The following TBC1D14 variants were observed in gnomAD, a reference collection of about 807,000 sequenced individuals.
TBC1D14 encodes the protein TBC1 domain family member 14.
A neutral mutation model predicts 79.0 loss-of-function variants in TBC1D14; 26 were observed. The ratio of observed to expected loss-of-function variants is 0.33; its 90% confidence interval spans 0.24 to 0.46. TBC1D14 has a LOEUF of 0.46. Ranked by LOEUF, TBC1D14 falls within the 20% of genes least tolerant of loss-of-function variation. The pLI is 1.00. For missense variants in TBC1D14, 769 were observed against 887.6 expected, an observed-to-expected ratio of 0.87 and a Z score of 1.70; for synonymous variants, 394 against 349.9, an observed-to-expected ratio of 1.13 and a Z score of -1.40.
upstream of TBC1D14, chr4:6,909,788 G>C (rs570602991): frequency 6.7e-6 from 1 of 148,778 alleles, no homozygotes; most frequent in Non-Finnish European, 1.5e-5. Context: ...GGCGAAGCGA[G>C]GGTGCGCGCC....
intron 12 of TBC1D14, among the ~76,000 whole-genome samples, chr4:7,017,512 G>A (rs1721403109): frequency 6.6e-6 from 1 of 152,186 alleles, no homozygotes; most frequent in South Asian, 2.1e-4. Flanking sequence ...CCAGAGACAG[G>A]AATAGCATGT....
At chr4:7,005,029 G>T (rs746381582) in intron 8 of TBC1D14, 105 bp downstream of exon 8, 3 of 1,052,894 alleles carry the variant, frequency 2.8e-6, no homozygotes, top group Non-Finnish European at 2.8e-6. Flanking sequence ...AGATTGTTGT[G>T]GAGTCATAAA....
Position 6,923,737 on chromosome 4 carries a change from C to T in TBC1D14, c.348C>T (p.Ser116=), listed in dbSNP as rs773924583. The T allele has an allele frequency of 1.2e-6, 2 of 1,613,988 alleles. No homozygotes were observed. Among genetic ancestry groups the T allele is most frequent in the Non-Finnish European group, 8.5e-7 (1 of 1,180,048 alleles). The change falls in exon 2 of 14, where the codon AGC becomes AGT. Residue 116 remains serine, a synonymous_variant. Coordinates refer to ENST00000409757, the MANE Select transcript of TBC1D14 (RefSeq NM_020773.3). ...CATCCTGTGCGCCACCAGCTCCTAGCAGCACCGAGCGGGAACAGAGCGTGC... is the reference window on the plus strand; with the variant it reads ...CATCCTGTGCGCCACCAGCTCCTAGTAGCACCGAGCGGGAACAGAGCGTGC... The part of the protein sequence containing the change: ...ALPSCAPPAP[S]STEREQSVRK...
At chr4:7,017,117 G>A (rs1372044771) in intron 12 of TBC1D14, among the ~76,000 whole-genome samples, 3 of 152,140 alleles carry the variant, frequency 2.0e-5, no homozygotes, top group African/African-American at 7.2e-5. Flanking sequence ...CCTGGCCAAT[G>A]TGGCGAAACC....
At chr4:7,001,281 C>T (rs371015314) in intron 7 of TBC1D14, 30 bp downstream of exon 7, 1 of 1,559,908 alleles carries the variant, frequency 6.4e-7, no homozygotes, top group African/African-American at 1.4e-5. Flanking sequence ...CTGGGGAGTC[C>T]ACCTCCAGGC....
chr4:7,030,232 A>C (rs997175789), intron 13 of TBC1D14, 95 bp from the exon 14 acceptor site: 17 of 1,176,188 alleles, frequency 1.4e-5, no homozygotes, highest in Non-Finnish European at 2.0e-5. Flanking sequence ...GAGCCGGGGG[A>C]CCCTGTTAGG....
chr4:6,926,445 G>T (rs907187181), intron 2 of TBC1D14, among the ~76,000 whole-genome samples: 3 of 152,184 alleles, frequency 2.0e-5, no homozygotes, highest in Admixed American at 1.3e-4. Flanking sequence ...ACCGTTTCTT[G>T]GAAGTCATAC....
chr4:6,982,631 C>G (rs1195849367), intron 3 of TBC1D14, among the ~76,000 whole-genome samples: 1 of 152,186 alleles, frequency 6.6e-6, no homozygotes. Flanking sequence ...GTTCTTTTGA[C>G]CCAGCATTTC....
At chr4:6,946,574 G>A (rs2108990904) in intron 2 of TBC1D14, among the ~76,000 whole-genome samples, 1 of 152,236 alleles carries the variant, frequency 6.6e-6, no homozygotes, top group South Asian at 2.1e-4. Context: ...ACCTGCCTCG[G>A]CCTTCCAAAG....
chr4:6,952,303 C>T (rs1034824763), intron 2 of TBC1D14, among the ~76,000 whole-genome samples: 1 of 152,332 alleles, frequency 6.6e-6, no homozygotes, highest in East Asian at 1.9e-4. Flanking sequence ...GTGTTTCTAG[C>T]CAGTGCCCAG....
chr4:6,962,875 G>GC (rs1715351655), intron 2 of TBC1D14, among the ~76,000 whole-genome samples: 1 of 152,066 alleles, frequency 6.6e-6, no homozygotes, highest in African/African-American at 2.4e-5. Context: ...CCTCCTCATC[G>GC]CCCTATACTT....
Position 6,923,860 on chromosome 4 carries a change from C to T in TBC1D14, c.471C>T (p.Cys157=), listed in dbSNP as rs2108925025. 6.2e-7 allele frequency: 1 copy of T among 1,614,204 alleles called. No homozygotes were observed. Among genetic ancestry groups the T allele is most frequent in the Non-Finnish European group, 8.5e-7 (1 of 1,180,054 alleles). The change falls in exon 2 of 14, where the codon TGC becomes TGT. Residue 157 remains cysteine, a synonymous_variant. Transcript: ENST00000409757. ...CCCGCAGCGATGATGTCTCCGTCTG[C>T]AGCGTGTCCAGTCTTGGGACAGAGC... ...ALTRSDDVSV[C]SVSSLGTELS...
At chr4:6,928,622 C>T (rs755829172) in intron 2 of TBC1D14, among the ~76,000 whole-genome samples, 14 of 152,188 alleles carry the variant, frequency 9.2e-5, no homozygotes, top group Non-Finnish European at 1.3e-4. Context: ...CACCTGAAGT[C>T]AGGAGTTTGA....
At chr4:6,976,283 C>T (rs1397059637) in intron 3 of TBC1D14, among the ~76,000 whole-genome samples, 3 of 152,104 alleles carry the variant, frequency 2.0e-5, no homozygotes, top group African/African-American at 7.2e-5. Flanking sequence ...GAATATCTCC[C>T]ACATTTAGCA....
intron 3 of TBC1D14, chr4:6,987,682 G>A (rs542250918): frequency 3.2e-6 from 1 of 310,626 alleles, no homozygotes; most frequent in East Asian, 5.1e-5. Context: ...TTCAGAGCCG[G>A]GCCAGGCCCA....
intron 2 of TBC1D14, among the ~76,000 whole-genome samples, chr4:6,953,629 C>CAAAAA (rs750667631): frequency 0.64 from 35,146 of 54,918 alleles, 13,288 homozygotes; most frequent in East Asian, 0.89. Flanking sequence ...GACTCCGTCT[C>CAAAAA]AAAAAAAAAA....
At position 7,030,894 on chromosome 4, in the gene TBC1D14, G is replaced by C. The variant is rs988280587; in HGVS notation, c.*502G>C. On this transcript the variant is annotated 3_prime_UTR_variant, in exon 14 of 14. Coordinates refer to ENST00000409757, the MANE Select transcript of TBC1D14 (RefSeq NM_020773.3). ...ACGTTTCTAAAACTCACCTACGAAA[G>C]ATAGCATTAAAGGAACAGGGGCTCT... The C allele has an allele frequency of 1.3e-5, 2 of 155,988 alleles. No homozygotes were observed. Among genetic ancestry groups the C allele is most frequent in the Non-Finnish European group, 1.4e-5 (1 of 70,286 alleles). 9.7% of individuals were successfully genotyped at this position (155,988 alleles called of 1,614,324 possible). A position where few individuals can be genotyped will look rare whatever the true frequency, so the allele number is the denominator to read the frequency against.
At chr4:7,018,468 C>CT (rs1316645465) in intron 12 of TBC1D14, among the ~76,000 whole-genome samples, 10 of 152,272 alleles carry the variant, frequency 6.6e-5, no homozygotes, top group Non-Finnish European at 1.2e-4. Context: ...AGGGTCCCCT[C>CT]TGTCAGCTGC....
intron 3 of TBC1D14, among the ~76,000 whole-genome samples, chr4:6,973,210 T>C (rs953634008): frequency 6.6e-6 from 1 of 152,162 alleles, no homozygotes; most frequent in Non-Finnish European, 1.5e-5. Context: ...AGTCAGCTCT[T>C]AGATTTTAAA....
Sources: allele counts gnomAD v4.1 joint callset (sites outside exome capture counted in the v4.1 genomes callset), GRCh38; gene constraint gnomAD v4.1.1; transcripts MANE v1.5; gene names NCBI Gene and HGNC (gene_info 2026-07-23, HGNC 2026-07-21).